Variants in METTL15 observed in about 807,000 individuals in gnomAD.
METTL15 encodes the protein 12S rRNA N(4)-cytidine methyltransferase METTL15.
In METTL15, 34 loss-of-function variants were observed where a neutral mutation model predicts 38.3. The observed-to-expected ratio is 0.89, with a 90% CI of 0.68 to 1.18. The LOEUF is 1.18. Ranked by LOEUF, METTL15 falls within the 50% of genes most tolerant of loss-of-function variation. The pLI is 0.00. For synonymous variants in METTL15, 162 were observed against 170.9 expected (o/e 0.95, Z 0.41); for missense variants, 438 against 498.4 (o/e 0.88, Z 1.15).
At chr11:28,231,538 T>A (rs997631375) in intron 4 of METTL15, among the ~76,000 whole-genome samples, 1 of 151,880 alleles carries the variant, frequency 6.6e-6, no homozygotes, top group Non-Finnish European at 1.5e-5. Flanking sequence ...TAAACTTTTC[T>A]GCTTACCACA....
chr11:28,222,317 T>C (rs772989704), intron 4 of METTL15, among the ~76,000 whole-genome samples: 8 of 152,244 alleles, frequency 5.3e-5, no homozygotes, highest in African/African-American at 1.4e-4. Flanking sequence ...GTGCTAGCAA[T>C]GAGTGAGGCT....
intron 5 of METTL15, among the ~76,000 whole-genome samples, chr11:28,292,304 T>C (rs1008190630): frequency 6.7e-6 from 1 of 148,582 alleles, no homozygotes; most frequent in Non-Finnish European, 1.5e-5. Context: ...TGAGAACATG[T>C]GGTGTTTGGT....
chr11:28,150,695 C>T (rs1473094339), intron 3 of METTL15, among the ~76,000 whole-genome samples: 2 of 151,816 alleles, frequency 1.3e-5, no homozygotes, highest in Non-Finnish European at 2.9e-5. Flanking sequence ...TTGCTCTCGC[C>T]TTCTAGTTAT....
intron 6 of METTL15, among the ~76,000 whole-genome samples, chr11:28,486,520 G>A (rs2133477724): frequency 6.6e-6 from 1 of 152,172 alleles, no homozygotes; most frequent in African/African-American, 2.4e-5. Flanking sequence ...GTGCCAATGA[G>A]ACTGAGCCTT....
At chr11:28,404,239 G>A (rs968480270) in intron 5 of METTL15, among the ~76,000 whole-genome samples, 38 of 152,138 alleles carry the variant, frequency 2.5e-4, no homozygotes, top group Non-Finnish European at 2.6e-4. Flanking sequence ...ACACAGTTCC[G>A]TGGGGTCCAA....
chr11:28,144,513 G>A (rs1396590665), intron 3 of METTL15, among the ~76,000 whole-genome samples: 1 of 152,120 alleles, frequency 6.6e-6, no homozygotes, highest in Non-Finnish European at 1.5e-5. Flanking sequence ...CAGAGATGGA[G>A]GAGGAAGTGG....
chr11:28,350,261 G>A (rs1033397971), intron 3 of METTL15, among the ~76,000 whole-genome samples: 86 of 152,224 alleles, frequency 5.6e-4, no homozygotes, highest in African/African-American at 2.0e-3. Context: ...TATGGATGAT[G>A]GCTAAAATTC....
chr11:28,398,765 G>A (rs1850600178), intron 5 of METTL15: 1 of 151,920 alleles, frequency 6.6e-6, no homozygotes, highest in African/African-American at 2.4e-5. Context: ...GTCCTGAATG[G>A]TACTGCCTCT....
chr11:28,460,523 T>C (rs1851205678), intron 6 of METTL15, among the ~76,000 whole-genome samples: 1 of 152,256 alleles, frequency 6.6e-6, no homozygotes, highest in South Asian at 2.1e-4. Flanking sequence ...GATATTTACC[T>C]TGGCCTCAGC....
chr11:28,140,372 A>T (rs1203755094), intron 3 of METTL15, among the ~76,000 whole-genome samples: 1 of 152,140 alleles, frequency 6.6e-6, no homozygotes, highest in East Asian at 1.9e-4. Flanking sequence ...CTTGAGAGTG[A>T]TAGGGGTTTT....
At chr11:28,371,284 A>G (rs907327164) in intron 5 of METTL15, among the ~76,000 whole-genome samples, 1 of 152,054 alleles carries the variant, frequency 6.6e-6, no homozygotes, top group South Asian at 2.1e-4. Flanking sequence ...TAAAGAGATT[A>G]TCCTTTCACT....
chr11:28,415,202 T>C (rs563332007), intron 5 of METTL15, among the ~76,000 whole-genome samples: 49 of 152,184 alleles, frequency 3.2e-4, no homozygotes, highest in Non-Finnish European at 6.3e-4. Context: ...CTGTAGTATA[T>C]AGAGTTAGAA....
intron 6 of METTL15, among the ~76,000 whole-genome samples, chr11:28,428,192 G>A (rs947984462): frequency 6.6e-6 from 1 of 152,088 alleles, no homozygotes; most frequent in Admixed American, 6.6e-5. Context: ...ACACACTCAG[G>A]CTATATAGTA....
At chr11:28,252,040 A>T (rs749932579) in intron 4 of METTL15, among the ~76,000 whole-genome samples, 1 of 152,082 alleles carries the variant, frequency 6.6e-6, no homozygotes, top group Non-Finnish European at 1.5e-5. Context: ...CCTAACTTCA[A>T]ATTTGCTTCT....
chr11:28,524,105 T>A (rs953881573), intron 6 of METTL15, among the ~76,000 whole-genome samples: 1 of 152,258 alleles, frequency 6.6e-6, no homozygotes, highest in African/African-American at 2.4e-5. Context: ...GGTTTTCATT[T>A]CCACTTTTTA....
At chr11:28,453,661 G>A (rs1851142657) in intron 6 of METTL15, among the ~76,000 whole-genome samples, 1 of 152,160 alleles carries the variant, frequency 6.6e-6, no homozygotes, top group African/African-American at 2.4e-5. Flanking sequence ...ACGTAATCAA[G>A]AACTAGGAAA....
chr11:28,213,658 C>CTT (rs34361912), intron 4 of METTL15, among the ~76,000 whole-genome samples: 5 of 131,980 alleles, frequency 3.8e-5, no homozygotes, highest in South Asian at 2.5e-4. Flanking sequence ...GCCTTTTTTT[C>CTT]TTTTTTTTTT....
intron 4 of METTL15, among the ~76,000 whole-genome samples, chr11:28,230,900 T>C (rs185872650): frequency 6.2e-4 from 95 of 152,008 alleles, no homozygotes; most frequent in African/African-American, 2.2e-3. Flanking sequence ...GCATGGGGAA[T>C]GCTCAGAAGC....
chr11:28,238,884 TTAGA>T (rs1854155137), intron 4 of METTL15, among the ~76,000 whole-genome samples: 1 of 152,216 alleles, frequency 6.6e-6, no homozygotes, highest in African/African-American at 2.4e-5. Flanking sequence ...CTGATTTTTC[TTAGA>T]TAAACACATA....
Sources: allele counts gnomAD v4.1 joint callset (sites outside exome capture counted in the v4.1 genomes callset), GRCh38; gene constraint gnomAD v4.1.1; transcripts MANE v1.5; gene names NCBI Gene and HGNC (gene_info 2026-07-23, HGNC 2026-07-21).